Variants in XPR1 observed in about 807,000 individuals in gnomAD.
XPR1 encodes the protein xenotropic and polytropic retrovirus receptor 1.
XPR1 carries 28 observed loss-of-function variants against 87.5 expected under a neutral mutation model. The ratio of observed to expected loss-of-function variants is 0.32; its 90% CI spans 0.24 to 0.44. XPR1 has a LOEUF of 0.44. Ranked by LOEUF, XPR1 falls within the 20% of genes least tolerant of loss-of-function variation. XPR1 has a pLI of 1.00. For missense variants in XPR1, 559 were observed against 862.3 expected (o/e 0.65, Z 4.41); for synonymous variants, 300 against 306.1 (o/e 0.98, Z 0.21).
chr1:180,860,349 C>G (rs1435461085), intron 11 of XPR1, among the ~76,000 whole-genome samples: 4 of 152,072 alleles, frequency 2.6e-5, no homozygotes, highest in African/African-American at 4.8e-5. Context: ...ACCCAACAGT[C>G]TCACTCCTAT....
intron 2 of XPR1, among the ~76,000 whole-genome samples, chr1:180,744,654 C>CTTTTTTTTTTTTTTTTTTTTTTTT (rs71121048): frequency 4.9e-5 from 5 of 102,394 alleles, no homozygotes; most frequent in African/African-American, 8.0e-5. Context: ...CAATTTCTTT[C>CTTTTTTTTTTTTTTTTTTTTTTTT]TTTTTTTTTT....
At chr1:180,816,293 T>TC (rs1650409076) in intron 7 of XPR1, among the ~76,000 whole-genome samples, 1 of 152,188 alleles carries the variant, frequency 6.6e-6, no homozygotes, top group Non-Finnish European at 1.5e-5. Context: ...CATGCGCAGC[T>TC]CACAATAGGG....
intron 7 of XPR1, among the ~76,000 whole-genome samples, chr1:180,820,760 C>T (rs1293275654): frequency 6.6e-6 from 1 of 152,182 alleles, no homozygotes; most frequent in Non-Finnish European, 1.5e-5. Flanking sequence ...TATATCCATA[C>T]AAATGGGCGT....
At chr1:180,769,785 G>A (rs1033653898) in intron 2 of XPR1, among the ~76,000 whole-genome samples, 1 of 152,094 alleles carries the variant, frequency 6.6e-6, no homozygotes, top group East Asian at 1.9e-4. Context: ...TTTCTTTTGG[G>A]TATACCCAGC....
chr1:180,851,454 A>G (rs1201104708), intron 11 of XPR1, among the ~76,000 whole-genome samples: 2 of 152,216 alleles, frequency 1.3e-5, no homozygotes, highest in African/African-American at 4.8e-5. Flanking sequence ...TTTATCCACA[A>G]TTTATACAGA....
At chr1:180,849,211 CATT>C (rs1651785974) in intron 11 of XPR1, among the ~76,000 whole-genome samples, 1 of 152,124 alleles carries the variant, frequency 6.6e-6, no homozygotes, top group Non-Finnish European at 1.5e-5. Flanking sequence ...TGTTGGCAGA[CATT>C]ATGTCATTTT....
intron 2 of XPR1, among the ~76,000 whole-genome samples, chr1:180,682,988 ATACTT>A (rs1330795146): frequency 1.5e-4 from 23 of 152,052 alleles, no homozygotes; most frequent in African/African-American, 5.3e-4. Flanking sequence ...TATTATTACT[ATACTT>A]TAAGTTTTAG....
rs558337328 is a variant in XPR1, at chr1:180,773,868, C to T, written c.122-13885C>T. Among the ~76,000 whole-genome samples, 24 of 152,220 alleles carry T rather than the reference C, an allele frequency of 1.6e-4. No individual in the cohort carries two copies. In the South Asian group the frequency reaches 3.7e-3, roughly 24 times the overall value. ...TAGAAATTAGTTAAGGTTTATTAAT[C>T]GAATAGAATGTGTTCTGTTTTCCTC... On this transcript the variant is annotated intron_variant, in intron 2 of 14. Transcript: ENST00000367590.
intron 1 of XPR1, among the ~76,000 whole-genome samples, chr1:180,677,064 A>G (rs1656391192): frequency 6.6e-6 from 1 of 152,190 alleles, no homozygotes; most frequent in Non-Finnish European, 1.5e-5. Context: ...TGGGTGTCCA[A>G]CAATTGAGTT....
chr1:180,779,068 C>T (rs1179934677), intron 2 of XPR1, among the ~76,000 whole-genome samples: 5 of 152,062 alleles, frequency 3.3e-5, no homozygotes, highest in African/African-American at 7.2e-5. Flanking sequence ...CATGCTGTTC[C>T]CTCTGTTGGG....
chr1:180,704,488 CTTTG>C (rs1464517874), intron 2 of XPR1, among the ~76,000 whole-genome samples: 4 of 150,808 alleles, frequency 2.7e-5, no homozygotes, highest in African/African-American at 9.7e-5. Context: ...AATTATTTCC[CTTTG>C]TTTACCTTTT....
rs570298031 is a variant in XPR1, at chr1:180,887,314, A to G, written c.*3248A>G. ...CACTCAGTTTTTAATATCAATTAAA[A>G]TAGTCCTCAAAGGAATGAAGAGGAA... On this transcript the variant is annotated 3_prime_UTR_variant, in exon 15 of 15. Transcript: ENST00000367590. 6.6e-6 allele frequency: 1 copy of G among 152,386 alleles called. No individual in the cohort carries two copies. The highest frequency in any genetic ancestry group is 2.4e-5 in the African/African-American group (1 of 41,598). The allele number at this position is 152,386 out of a possible 1,614,324, so 9.4% of individuals were successfully genotyped here.
intron 7 of XPR1, among the ~76,000 whole-genome samples, chr1:180,816,298 A>T (rs1363428991): frequency 6.6e-6 from 1 of 152,202 alleles, no homozygotes; most frequent in Non-Finnish European, 1.5e-5. Context: ...GCAGCTCACA[A>T]TAGGGTTCGT....
At chr1:180,859,536 A>G (rs995594502) in intron 11 of XPR1, among the ~76,000 whole-genome samples, 27 of 152,142 alleles carry the variant, frequency 1.8e-4, no homozygotes, top group Non-Finnish European at 3.1e-4. Flanking sequence ...CTGAATACCA[A>G]TGAAGGCAGA....
chr1:180,822,187 C>A (rs181655852), intron 7 of XPR1, among the ~76,000 whole-genome samples: 2 of 152,208 alleles, frequency 1.3e-5, no homozygotes, highest in Non-Finnish European at 2.9e-5. Flanking sequence ...TAAGTCTTGA[C>A]AAAGTACTGA....
At position 180,643,460 on chromosome 1, in the gene XPR1, T is replaced by C. The variant is rs951034202; in HGVS notation, c.69+11190T>C. On this transcript the variant is annotated intron_variant, in intron 1 of 14. Transcript: ENST00000367590. ...ACAACAGTAATAGCATAACATTCAC[T>C]GAATGCCTACTATTTGTCAGACAGA... Among the ~76,000 whole-genome samples the C allele has an allele frequency of 2.6e-5, 4 of 152,174 alleles. 1 individual carries two copies. The highest frequency in any genetic ancestry group is 5.9e-5 in the Non-Finnish European group (4 of 68,026).
rs71297873 is a variant in XPR1, at chr1:180,748,400, C to CTTTTT, written c.122-39322_122-39318dup. 9.3e-3 allele frequency among the ~76,000 whole-genome samples: 276 copies of CTTTTT among 29,700 alleles called. 44 individuals are homozygous for CTTTTT. The highest frequency in any genetic ancestry group is 0.014 in the East Asian group (9 of 632). The allele number at this position is 29,700 out of a possible 152,430, so 19.5% of individuals were successfully genotyped here. A position where few individuals can be genotyped will look rare whatever the true frequency, so the allele number is the denominator to read the frequency against. ...TGCTACTCTGTGTTATTATTTATGT[C>CTTTTT]TTTTTTTTTTTTTTTTTTTTTTTTT... On this transcript the variant is annotated intron_variant, in intron 2 of 14. Transcript: ENST00000367590.
At chr1:180,727,567 CCAGGAGG>C (rs1370269436) in intron 2 of XPR1, among the ~76,000 whole-genome samples, 1 of 152,076 alleles carries the variant, frequency 6.6e-6, no homozygotes, top group Non-Finnish European at 1.5e-5. Flanking sequence ...TCACTTGAAC[CCAGGAGG>C]CAGAGGTTGC....
chr1:180,793,490 CAT>C (rs67380460), intron 3 of XPR1, among the ~76,000 whole-genome samples: 26,187 of 151,712 alleles, frequency 0.17, 2,893 homozygotes, highest in Middle Eastern at 0.3. Flanking sequence ...GTTCTTTGCT[CAT>C]GTGTGTGTTA....
Sources: gnomAD v4.1 joint callset for allele counts (sites outside exome capture counted in the v4.1 genomes callset) on GRCh38, gnomAD v4.1.1 for gene constraint, MANE v1.5 for transcripts, NCBI Gene and HGNC (gene_info 2026-07-23, HGNC 2026-07-21) for gene names.